The following ATF3 variants were observed in gnomAD, a reference collection of about 807,000 sequenced individuals.
ATF3 encodes the protein activating transcription factor 3.
Under a neutral mutation model 18.4 loss-of-function variants are expected in ATF3, and 10 were observed. That is an observed-to-expected ratio of 0.54 (90% CI 0.34 to 0.92). The LOEUF (loss-of-function observed/expected upper bound fraction) is 0.92. Among genes scored for constraint, ATF3 ranks in the 40% least tolerant of loss-of-function variants. The probability of loss-of-function intolerance (pLI) is 0.02; values close to 1 mark genes in which losing one functional copy is unlikely to be tolerated. For synonymous variants in ATF3, 78 were observed against 87.9 expected, an observed-to-expected ratio of 0.89 and a Z score of 0.63; for missense variants, 183 against 222.3, an observed-to-expected ratio of 0.82 and a Z score of 1.12.
In ATF3 at chr1:212,620,156, TG is replaced by T; in HGVS notation, c.*607del. On this transcript the variant is annotated 3_prime_UTR_variant, in exon 4 of 4. Transcript: ENST00000341491. ...TCTCAGATCTGGTTTCTAAGAGTTT[TG>T]GGGGGCGGGGCTGTCACCACGTGCA... 1 of 155,966 alleles carries T rather than the reference TG, an allele frequency of 6.4e-6. No homozygotes were observed. The highest frequency in any genetic ancestry group is 1.4e-5 in the Non-Finnish European group (1 of 70,194). 9.7% of individuals were successfully genotyped at this position (155,966 alleles called of 1,614,324 possible).
At chr1:212,583,348 T>C (rs1171244367) in intron 1 of ATF3, among the ~76,000 whole-genome samples, 1 of 152,200 alleles carries the variant, frequency 6.6e-6, no homozygotes, top group Non-Finnish European at 1.5e-5. Context: ...TCCTCCTGTT[T>C]CAGCCTCCCG....
intron 1 of ATF3, among the ~76,000 whole-genome samples, chr1:212,603,279 C>G (rs1472977970): frequency 6.6e-6 from 1 of 152,194 alleles, no homozygotes; most frequent in Non-Finnish European, 1.5e-5. Context: ...CTAGCCCATG[C>G]TGCAGACTAC....
At chr1:212,598,133 G>T (rs747565306) in intron 1 of ATF3, among the ~76,000 whole-genome samples, 1 of 152,042 alleles carries the variant, frequency 6.6e-6, no homozygotes, top group Non-Finnish European at 1.5e-5. Context: ...AGAACAATGG[G>T]ATAATTCAGA....
intron 1 of ATF3, among the ~76,000 whole-genome samples, chr1:212,600,128 A>G (rs748416331): frequency 1.3e-5 from 2 of 152,242 alleles, no homozygotes; most frequent in Non-Finnish European, 2.9e-5. Context: ...TTCACAGTTC[A>G]TCTGGCCTCC....
At chr1:212,597,453 T>A (rs996596117) in intron 1 of ATF3, among the ~76,000 whole-genome samples, 3 of 144,714 alleles carry the variant, frequency 2.1e-5, no homozygotes, top group Non-Finnish European at 4.5e-5. Flanking sequence ...CTATCTATCA[T>A]CTATCTCTCT....
At chr1:212,588,576 C>T (rs1356299543) in intron 1 of ATF3, among the ~76,000 whole-genome samples, 1 of 152,088 alleles carries the variant, frequency 6.6e-6, no homozygotes, top group Non-Finnish European at 1.5e-5. Context: ...CAAAGTAATA[C>T]ATGTACAGAG....
At chr1:212,566,887 G>A (rs2102617227) in intron 1 of ATF3, among the ~76,000 whole-genome samples, 1 of 152,226 alleles carries the variant, frequency 6.6e-6, no homozygotes, top group East Asian at 1.9e-4. Flanking sequence ...CTCGTACGGC[G>A]AGTAATGGAT....
In ATF3 at chr1:212,620,759, A is replaced by C. The variant is rs982901724; in HGVS notation, c.*1204A>C. On this transcript the variant is annotated 3_prime_UTR_variant, in exon 4 of 4. Coordinates refer to ENST00000341491, the MANE Select transcript of ATF3 (RefSeq NM_001674.4). ...AACCTGTCAGAATAATAAATATTGG[A>C]ACCAAGACATGGTAAACATGTGTTG... The C allele has an allele frequency of 1.3e-5, 2 of 152,620 alleles. No homozygotes were observed. The highest frequency in any genetic ancestry group is 2.9e-5 in the Non-Finnish European group (2 of 68,034). The allele number at this position is 152,620 out of a possible 1,614,324, so 9.5% of individuals were successfully genotyped here.
At chr1:212,579,314 C>G (rs964564733) in intron 1 of ATF3, among the ~76,000 whole-genome samples, 7 of 152,124 alleles carry the variant, frequency 4.6e-5, no homozygotes, top group Non-Finnish European at 7.4e-5. Flanking sequence ...CTTCTGGAGC[C>G]TTTTTATTTA....
intron 1 of ATF3, among the ~76,000 whole-genome samples, chr1:212,610,129 CCTT>C (rs1233585746): frequency 6.6e-6 from 1 of 152,198 alleles, no homozygotes; most frequent in African/African-American, 2.4e-5. Context: ...GATTCGTTCT[CCTT>C]CTCTGCTCCC....
chr1:212,615,411 C>A (rs764542514), intron 2 of ATF3, 150 bp downstream of exon 2: 6 of 996,856 alleles, frequency 6.0e-6, no homozygotes, highest in Non-Finnish European at 8.8e-6. Flanking sequence ...TGGGAGGAGA[C>A]AGAAGTACAT....
Position 212,609,385 on chromosome 1 carries a change from G to C in ATF3, c.-5+455G>C, listed in dbSNP as rs974633223. 4.9e-4 allele frequency among the ~76,000 whole-genome samples: 70 copies of C among 143,666 alleles called. 2 individuals are homozygous for C. The highest frequency in any genetic ancestry group is 1.3e-3 in the African/African-American group (51 of 40,082). 94.3% of individuals were successfully genotyped at this position (143,666 alleles called of 152,430 possible). On this transcript the variant is annotated intron_variant, in intron 1 of 3. Coordinates refer to ENST00000341491, the MANE Select transcript of ATF3 (RefSeq NM_001674.4). The stretch of plus-strand genomic sequence containing the variant: ...CCGATCCTTCCCGGGTGGGGGGGGG[G>C]GGGCGCAGAGAGGCACGAAGGCCGG...
intron 1 of ATF3, among the ~76,000 whole-genome samples, chr1:212,581,922 G>T (rs892834752): frequency 6.6e-6 from 1 of 152,066 alleles, no homozygotes; most frequent in African/African-American, 2.4e-5. Context: ...TGCTATTTGG[G>T]GTCTTCTTTT....
At chr1:212,604,718 C>T (rs1441682087), upstream of ATF3, among the ~76,000 whole-genome samples, 2 of 152,140 alleles carry the variant, frequency 1.3e-5, no homozygotes, top group African/African-American at 2.4e-5. Flanking sequence ...GGCAGAGGGT[C>T]CCCATTCAGG....
intron 1 of ATF3, among the ~76,000 whole-genome samples, chr1:212,565,809 G>A (rs1664372203): frequency 6.6e-6 from 1 of 152,102 alleles, no homozygotes; most frequent in Non-Finnish European, 1.5e-5. Flanking sequence ...ATGCCATCTC[G>A]GTCTCATCCA....
At chr1:212,610,065 G>T (rs1476952147) in intron 1 of ATF3, among the ~76,000 whole-genome samples, 1 of 152,190 alleles carries the variant, frequency 6.6e-6, no homozygotes, top group Non-Finnish European at 1.5e-5. Flanking sequence ...GACAGTGGGG[G>T]AAAGGGGACT....
At chr1:212,600,547 G>A (rs1426720469) in intron 1 of ATF3, among the ~76,000 whole-genome samples, 1 of 152,236 alleles carries the variant, frequency 6.6e-6, no homozygotes, top group Non-Finnish European at 1.5e-5. Flanking sequence ...GCAGGGCACA[G>A]CCCCTTCCTG....
chr1:212,602,371 G>C (rs1654507035), intron 1 of ATF3, among the ~76,000 whole-genome samples: 1 of 152,186 alleles, frequency 6.6e-6, no homozygotes, highest in South Asian at 2.1e-4. Context: ...CTCAATGGCT[G>C]CTAAGGTTCC....
rs1376072165 is a variant in ATF3, at chr1:212,619,092, A to G, written c.349-266A>G. ...CAGAAGACCTGCATATGGGCTGTTGACTCATGCAAATGAGGTATCTGAACT... is the reference window on the plus strand; with the variant it reads ...CAGAAGACCTGCATATGGGCTGTTGGCTCATGCAAATGAGGTATCTGAACT... On this transcript the variant is annotated intron_variant, in intron 3 of 3. Coordinates refer to ENST00000341491, the MANE Select transcript of ATF3 (RefSeq NM_001674.4). The surrounding 1 kb of genome is among the most constrained non-coding windows in gnomAD (Gnocchi z 4.4). 1.2e-6 allele frequency: 2 copies of G among 1,614,108 alleles called. No homozygotes were observed. Among genetic ancestry groups the G allele is most frequent in the South Asian group, 2.2e-5 (2 of 91,084 alleles).
Sources: gnomAD v4.1 joint callset for allele counts (sites outside exome capture counted in the v4.1 genomes callset) on GRCh38, gnomAD v4.1.1 for gene constraint, Gnocchi (gnomAD v3.1) non-coding constraint, MANE v1.5 for transcripts, NCBI Gene and HGNC (gene_info 2026-07-23, HGNC 2026-07-21) for gene names.